SCHIP1: variants seen among roughly 807,000 people sequenced by gnomAD.
SCHIP1 encodes schwannomin-interacting protein 1.
A neutral mutation model predicts 29.7 loss-of-function variants in SCHIP1; 8 were observed. The ratio of observed to expected loss-of-function variants is 0.27; its 90% CI spans 0.16 to 0.49. The LOEUF is 0.49. Ranked by LOEUF, SCHIP1 falls within the 20% of genes least tolerant of loss-of-function variation. The pLI is 0.99. For synonymous variants in SCHIP1, 76 were observed against 94.9 expected, an observed-to-expected ratio of 0.80 and a Z score of 1.16; for missense variants, 193 against 294.6, an observed-to-expected ratio of 0.66 and a Z score of 2.52.
chr3:159,438,862 TACC>T, the SCHIP1 span, among the ~76,000 whole-genome samples: 1 of 152,212 alleles, frequency 6.6e-6, no homozygotes, highest in Non-Finnish European at 1.5e-5. Flanking sequence ...GGTGTATATG[TACC>T]ACATTTTCTC....
the SCHIP1 span, among the ~76,000 whole-genome samples, chr3:159,755,153 A>G: frequency 6.6e-6 from 1 of 152,084 alleles, no homozygotes; most frequent in Non-Finnish European, 1.5e-5. Flanking sequence ...GAGAATGGCA[A>G]GAACCTGGGA....
At chr3:159,375,034 A>T in the SCHIP1 span, among the ~76,000 whole-genome samples, 30,638 of 152,200 alleles carry the variant, frequency 0.2, 4,344 homozygotes, top group African/African-American at 0.4. Flanking sequence ...GGGTCATATT[A>T]AATGTCATTA....
At chr3:159,446,901 C>G in the SCHIP1 span, among the ~76,000 whole-genome samples, 6 of 152,166 alleles carry the variant, frequency 3.9e-5, no homozygotes, top group Admixed American at 2.6e-4. Context: ...CTCCATGGTT[C>G]TCTATAGATG....
At chr3:159,366,913 G>T in the SCHIP1 span, among the ~76,000 whole-genome samples, 2 of 152,202 alleles carry the variant, frequency 1.3e-5, no homozygotes, top group South Asian at 4.1e-4. Flanking sequence ...CTATCACTAT[G>T]ATTTCAATAA....
the SCHIP1 span, among the ~76,000 whole-genome samples, chr3:159,542,113 T>C: frequency 7.5e-4 from 114 of 152,234 alleles, 1 homozygote; most frequent in African/African-American, 2.6e-3. Context: ...GCTTTGTTAA[T>C]ATTGTATTAG....
At chr3:159,806,065 C>A in the SCHIP1 span, among the ~76,000 whole-genome samples, 2 of 152,190 alleles carry the variant, frequency 1.3e-5, no homozygotes, top group African/African-American at 4.8e-5. Context: ...CCGCCTCGGC[C>A]TCCCAAAGTA....
the SCHIP1 span, among the ~76,000 whole-genome samples, chr3:159,348,138 T>C: frequency 6.6e-6 from 1 of 152,162 alleles, no homozygotes; most frequent in African/African-American, 2.4e-5. Flanking sequence ...CAATGTTCTT[T>C]AATAATAATA....
chr3:159,713,897 G>A, the SCHIP1 span, among the ~76,000 whole-genome samples: 5 of 152,188 alleles, frequency 3.3e-5, no homozygotes, highest in East Asian at 1.9e-4. Context: ...TACAAGCTTC[G>A]TGGTAATCTC....
the SCHIP1 span, among the ~76,000 whole-genome samples, chr3:159,465,348 C>CGTGT: frequency 6.9e-6 from 1 of 145,194 alleles, no homozygotes; most frequent in African/African-American, 2.6e-5. Context: ...TGTTTGTGTG[C>CGTGT]GTGTGTGTGT....
the SCHIP1 span, among the ~76,000 whole-genome samples, chr3:159,449,775 ATCT>A: frequency 7.2e-5 from 11 of 152,272 alleles, no homozygotes; most frequent in African/African-American, 2.4e-4. Flanking sequence ...TCTTAGCTTG[ATCT>A]TCTTTAAACA....
At chr3:159,843,980 T>A (rs1711507165) in intron 1 of SCHIP1, among the ~76,000 whole-genome samples, 1 of 152,228 alleles carries the variant, frequency 6.6e-6, no homozygotes, top group Admixed American at 6.5e-5. Flanking sequence ...TGTTTCTTGT[T>A]AGTTTTCTCA....
the SCHIP1 span, among the ~76,000 whole-genome samples, chr3:159,342,310 A>G: frequency 6.6e-6 from 1 of 152,210 alleles, no homozygotes; most frequent in African/African-American, 2.4e-5. Flanking sequence ...GTATAATTTT[A>G]AATATCCCTG....
At chr3:159,641,782 A>G in the SCHIP1 span, among the ~76,000 whole-genome samples, 1 of 152,220 alleles carries the variant, frequency 6.6e-6, no homozygotes, top group East Asian at 1.9e-4. Context: ...AAACACAAAC[A>G]AATGGTAGTC....
At chr3:159,406,558 C>T in the SCHIP1 span, among the ~76,000 whole-genome samples, 54 of 152,114 alleles carry the variant, frequency 3.5e-4, no homozygotes, top group African/African-American at 1.2e-3. Flanking sequence ...TAAAATGCAC[C>T]GGCAATAGTA....
the SCHIP1 span, among the ~76,000 whole-genome samples, chr3:159,426,389 G>C: frequency 1.3e-5 from 2 of 152,278 alleles, no homozygotes; most frequent in African/African-American, 2.4e-5. Context: ...ACTACCATCA[G>C]AGAATACTAC....
chr3:159,751,016 G>T, the SCHIP1 span, among the ~76,000 whole-genome samples: 2 of 151,886 alleles, frequency 1.3e-5, no homozygotes, highest in Non-Finnish European at 1.5e-5. Context: ...TTAAAGTATT[G>T]CTCTTTTAGA....
At chr3:159,882,555 T>C (rs1442451177) in intron 2 of SCHIP1, among the ~76,000 whole-genome samples, 1 of 152,204 alleles carries the variant, frequency 6.6e-6, no homozygotes, top group Non-Finnish European at 1.5e-5. Flanking sequence ...CAATTCATAA[T>C]GACCACTGCT....
chr3:159,881,170 T>G (rs950385214), intron 2 of SCHIP1, among the ~76,000 whole-genome samples: 1 of 152,244 alleles, frequency 6.6e-6, no homozygotes, highest in African/African-American at 2.4e-5. Flanking sequence ...TGTTTCTTCA[T>G]GACAGATTCT....
chr3:159,695,071 T>C, the SCHIP1 span, among the ~76,000 whole-genome samples: 1 of 152,244 alleles, frequency 6.6e-6, no homozygotes, highest in African/African-American at 2.4e-5. Context: ...TCATCGTCTG[T>C]ATATTTGGTG....
Sources: allele counts gnomAD v4.1 joint callset (sites outside exome capture counted in the v4.1 genomes callset), GRCh38; gene constraint gnomAD v4.1.1; transcripts MANE v1.5; gene names NCBI Gene and HGNC (gene_info 2026-07-23, HGNC 2026-07-21).